CARMIL1: variants seen among roughly 807,000 people sequenced by gnomAD.
CARMIL1 encodes capping protein regulator and myosin 1 linker 1, also known as F-actin-uncapping protein LRRC16A.
In CARMIL1, 90 loss-of-function variants were observed where a neutral mutation model predicts 177.1. The observed-to-expected ratio is 0.51, with a 90% CI of 0.43 to 0.61. CARMIL1 has a LOEUF of 0.61. Ranked by LOEUF, CARMIL1 falls within the 20% of genes least tolerant of loss-of-function variation. The pLI is 0.00. For synonymous variants in CARMIL1, 577 were observed against 606.2 expected, an observed-to-expected ratio of 0.95 and a Z score of 0.71; for missense variants, 1,380 against 1,667.0, an observed-to-expected ratio of 0.83 and a Z score of 3.00.
intron 24 of CARMIL1, among the ~76,000 whole-genome samples, chr6:25,531,397 A>C (rs1185134857): frequency 6.6e-6 from 1 of 152,208 alleles, no homozygotes; most frequent in African/African-American, 2.4e-5. Flanking sequence ...ACTATGGGTG[A>C]CTGTATAGAT....
At chr6:25,339,917 GT>G (rs1581618319) in intron 2 of CARMIL1, among the ~76,000 whole-genome samples, 1 of 152,232 alleles carries the variant, frequency 6.6e-6, no homozygotes, top group East Asian at 1.9e-4. Flanking sequence ...CGTGGTGGAG[GT>G]TATGGTGATT....
At chr6:25,392,184 T>A (rs761640418) in intron 2 of CARMIL1, among the ~76,000 whole-genome samples, 10 of 151,930 alleles carry the variant, frequency 6.6e-5, no homozygotes, top group Non-Finnish European at 8.8e-5. Flanking sequence ...ACCGTAGATA[T>A]ATATGGGATC....
chr6:25,611,759 G>C (rs2151336384), intron 36 of CARMIL1, among the ~76,000 whole-genome samples: 1 of 152,150 alleles, frequency 6.6e-6, no homozygotes, highest in East Asian at 1.9e-4. Context: ...TTTTCTAGAT[G>C]CCTATAGATT....
chr6:25,553,066 G>C (rs1364458303), intron 27 of CARMIL1, among the ~76,000 whole-genome samples: 2 of 152,044 alleles, frequency 1.3e-5, no homozygotes, highest in Non-Finnish European at 2.9e-5. Context: ...TAAAAAACTA[G>C]TACTTCTATT....
At chr6:25,549,185 A>C (rs1809818012) in intron 26 of CARMIL1, among the ~76,000 whole-genome samples, 1 of 152,208 alleles carries the variant, frequency 6.6e-6, no homozygotes, top group South Asian at 2.1e-4. Flanking sequence ...TTAACATTCC[A>C]CAGAAATTTC....
chr6:25,339,969 T>C (rs1045941439), intron 2 of CARMIL1, among the ~76,000 whole-genome samples: 5 of 152,206 alleles, frequency 3.3e-5, no homozygotes, highest in Non-Finnish European at 7.3e-5. Flanking sequence ...CTCCCCACTT[T>C]CCAAGATCCC....
At chr6:25,617,552 G>A (rs573114119) in intron 36 of CARMIL1, among the ~76,000 whole-genome samples, 25 of 152,152 alleles carry the variant, frequency 1.6e-4, no homozygotes, top group African/African-American at 6.0e-4. Context: ...TAATATAGAG[G>A]AACAACCTAT....
chr6:25,376,639 G>A (rs1163649503), intron 2 of CARMIL1, among the ~76,000 whole-genome samples: 1 of 100,812 alleles, frequency 9.9e-6, no homozygotes, highest in Admixed American at 1.0e-4. Flanking sequence ...CAGGTTCATT[G>A]TCTCCTGTGG....
intron 1 of CARMIL1, among the ~76,000 whole-genome samples, chr6:25,282,798 G>A (rs938675106): frequency 1.3e-5 from 2 of 152,020 alleles, no homozygotes; most frequent in Non-Finnish European, 2.9e-5. Context: ...AAACCTTTGC[G>A]TGCTTCCGAA....
intron 12 of CARMIL1, among the ~76,000 whole-genome samples, chr6:25,483,639 A>G (rs959571424): frequency 3.6e-5 from 5 of 138,336 alleles, no homozygotes; most frequent in Non-Finnish European, 7.6e-5. Flanking sequence ...TGTCTCATGA[A>G]TTACCATGCA....
chr6:25,557,612 A>G (rs2151183487), intron 29 of CARMIL1, among the ~76,000 whole-genome samples: 1 of 152,260 alleles, frequency 6.6e-6, no homozygotes, highest in South Asian at 2.1e-4. Flanking sequence ...ATAATTCCTT[A>G]TAATCTGAGG....
At chr6:25,293,798 T>G (rs114213265) in intron 2 of CARMIL1, among the ~76,000 whole-genome samples, 3,602 of 152,130 alleles carry the variant, frequency 0.024, 58 homozygotes, top group Non-Finnish European at 0.038. Flanking sequence ...CTCAACTCAT[T>G]GCAACCTGTG....
chr6:25,581,893 G>A (rs1366513092), intron 31 of CARMIL1, among the ~76,000 whole-genome samples: 1 of 152,196 alleles, frequency 6.6e-6, no homozygotes, highest in Admixed American at 6.5e-5. Flanking sequence ...GGTAACTGAA[G>A]TGTTGGAGAA....
At chr6:25,381,528 T>C (rs1791538018) in intron 2 of CARMIL1, among the ~76,000 whole-genome samples, 1 of 152,230 alleles carries the variant, frequency 6.6e-6, no homozygotes, top group Admixed American at 6.5e-5. Context: ...ATGATAAATC[T>C]TGAGTTTCTA....
chr6:25,572,778 G>A (rs1275502541), intron 29 of CARMIL1, among the ~76,000 whole-genome samples: 1 of 149,386 alleles, frequency 6.7e-6, no homozygotes, highest in Non-Finnish European at 1.5e-5. Context: ...GTTTTTGTCT[G>A]TGTAACAAGA....
chr6:25,324,967 G>A (rs909831156), intron 2 of CARMIL1, among the ~76,000 whole-genome samples: 1 of 151,946 alleles, frequency 6.6e-6, no homozygotes, highest in Non-Finnish European at 1.5e-5. Flanking sequence ...GGTGACCAGG[G>A]GCCAAGCCAT....
At chr6:25,506,871 T>A (rs555792274) in intron 17 of CARMIL1, among the ~76,000 whole-genome samples, 1 of 152,346 alleles carries the variant, frequency 6.6e-6, no homozygotes, top group South Asian at 2.1e-4. Context: ...TAAAAGTTCC[T>A]TCTTGATTTT....
Position 25,284,798 on chromosome 6 carries a change from C to CT in CARMIL1, c.41-4dup, listed in dbSNP as rs568919743. On this transcript the variant is annotated splice_polypyrimidine_tract_variant and intron_variant, in intron 1 of 36. Coordinates refer to ENST00000329474, the MANE Select transcript of CARMIL1 (RefSeq NM_017640.6). ...TTTTTTCTTATTAATAACATAATTC[C>CT]TTTTTTTTTTCAGAAAGCATAAAGG... 0.073 allele frequency: 84,444 copies of CT among 1,162,098 alleles called. 835 individuals carry two copies. Among genetic ancestry groups the CT allele is most frequent in the Non-Finnish European group, 0.081 (67,814 of 842,256 alleles). 72.0% of individuals were successfully genotyped at this position (1,162,098 alleles called of 1,614,324 possible).
chr6:25,529,494 C>T (rs1453930367), intron 24 of CARMIL1, among the ~76,000 whole-genome samples: 1 of 151,918 alleles, frequency 6.6e-6, no homozygotes, highest in Admixed American at 6.6e-5. Flanking sequence ...CCAAAAATCA[C>T]AAGATATTTG....
Sources: allele counts gnomAD v4.1 joint callset (sites outside exome capture counted in the v4.1 genomes callset), GRCh38; gene constraint gnomAD v4.1.1; transcripts MANE v1.5; gene names NCBI Gene and HGNC (gene_info 2026-07-23, HGNC 2026-07-21).